The following ARL10 variants were observed in gnomAD, a reference collection of about 807,000 sequenced individuals.
ARL10 encodes the protein ARF like GTPase 10, also known as ADP-ribosylation factor-like protein 10.
A neutral mutation model predicts 26.1 loss-of-function variants in ARL10; 23 were observed. The observed-to-expected ratio is 0.88, with a 90% CI of 0.63 to 1.25. The LOEUF (loss-of-function observed/expected upper bound fraction) is 1.25, where lower values mean the gene tolerates loss of function less well. Ranked by LOEUF, ARL10 falls within the 50% of genes most tolerant of loss-of-function variation. The pLI, the probability that ARL10 is intolerant of heterozygous loss-of-function variation, is 0.00. For synonymous variants in ARL10, 138 were observed against 149.1 expected (o/e 0.93, Z 0.54); for missense variants, 300 against 323.6 (o/e 0.93, Z 0.56).
rs2113546375 is a variant in ARL10, at chr5:176,368,671, G to A, written c.386-136G>A. 9.6e-7 allele frequency: 1 copy of A among 1,043,902 alleles called. No homozygotes were observed. The highest frequency in any genetic ancestry group is 2.6e-5 in the East Asian group (1 of 37,736). The allele number at this position is 1,043,902 out of a possible 1,614,324, so 64.7% of individuals were successfully genotyped here. A position where few individuals can be genotyped will look rare whatever the true frequency, so the allele number is the denominator to read the frequency against. ...TAAGCTAGAAGCAGGGTGGGGTGGG[G>A]GCTGTGGGCAGTGAGCGGGGGCCCG... On this transcript the variant is annotated intron_variant, in intron 2 of 3. Coordinates refer to ENST00000310389, the MANE Select transcript of ARL10 (RefSeq NM_173664.6). This position sits in a 1 kb window ranked among gnomAD's most constrained non-coding sequence, Gnocchi z 4.1.
At chr5:176,389,331 G>C (rs1340439296), downstream of ARL10, 15 of 1,612,682 alleles carry the variant, frequency 9.3e-6, no homozygotes, top group Non-Finnish European at 1.2e-5. Flanking sequence ...CCCTCCTCAG[G>C]TTGCCTGGCC....
At chr5:176,383,667 A>G (rs1581401813), downstream of ARL10, among the ~76,000 whole-genome samples, 1 of 152,228 alleles carries the variant, frequency 6.6e-6, no homozygotes, top group East Asian at 1.9e-4. Flanking sequence ...CTAGGGCCCC[A>G]CCAGCCCCCA....
rs1755503185 is a variant in ARL10, at chr5:176,379,619, G to A, written c.*7724G>A. ...AATGAAGTCCTTTTTAAATAGAGCA[G>A]TTAATGCCATTTCTGTCTCTGCAGG... On this transcript the variant is annotated 3_prime_UTR_variant, in exon 4 of 4. Coordinates refer to ENST00000310389, the MANE Select transcript of ARL10 (RefSeq NM_173664.6). 1 of 152,214 alleles carries A rather than the reference G, an allele frequency of 6.6e-6. No individual in the cohort carries two copies. The highest frequency in any genetic ancestry group is 2.1e-4 in the South Asian group (1 of 4,832). 9.4% of individuals were successfully genotyped at this position (152,214 alleles called of 1,614,324 possible).
At chr5:176,389,590 C>G, downstream of ARL10, 1 of 1,316,702 alleles carries the variant, frequency 7.6e-7, no homozygotes, top group Non-Finnish European at 1.0e-6. Flanking sequence ...CCCTCCTCTC[C>G]TTTGAGAGGC....
At chr5:176,403,236 G>A (rs1259678693), downstream of ARL10, among the ~76,000 whole-genome samples, 1 of 151,948 alleles carries the variant, frequency 6.6e-6, no homozygotes, top group Non-Finnish European at 1.5e-5. Flanking sequence ...TTTTAGTAGA[G>A]ACGGGGTTTT....
At position 176,380,293 on chromosome 5, in the gene ARL10, A is replaced by G. The variant is rs1463220458; in HGVS notation, c.*8398A>G. On this transcript the variant is annotated 3_prime_UTR_variant, in exon 4 of 4. Transcript: ENST00000310389. ...TATAATCCTTTAGATGCCTCTGCATACCGATTTAAAATGCATCCCGTTGTT... is the reference window on the plus strand; with the variant it reads ...TATAATCCTTTAGATGCCTCTGCATGCCGATTTAAAATGCATCCCGTTGTT... 1.3e-5 allele frequency: 2 copies of G among 152,182 alleles called. No individual in the cohort carries two copies. Among genetic ancestry groups the G allele is most frequent in the Non-Finnish European group, 2.9e-5 (2 of 68,030 alleles). The allele number at this position is 152,182 out of a possible 1,614,324, so 9.4% of individuals were successfully genotyped here.
At chr5:176,385,349 G>A, downstream of ARL10, 2 of 1,375,174 alleles carry the variant, frequency 1.5e-6, no homozygotes, top group African/African-American at 1.4e-5. Context: ...AGAGAAGCGG[G>A]GAGACAGGGA....
At chr5:176,388,135 C>A in intron 1 of ARL10, 1 of 882,258 alleles carries the variant, frequency 1.1e-6, no homozygotes, top group Non-Finnish European at 1.8e-6. Flanking sequence ...CTCGGAAGGG[C>A]CTGAGGGAAG....
intron 1 of ARL10, among the ~76,000 whole-genome samples, chr5:176,400,206 A>C (rs1289032209): frequency 3.3e-5 from 5 of 149,594 alleles, no homozygotes; most frequent in Non-Finnish European, 5.9e-5. Flanking sequence ...TCAAAAAAAA[A>C]AAGAAAGAAA....
chr5:176,413,415 A>C, the ARL10 span, among the ~76,000 whole-genome samples: 1 of 152,220 alleles, frequency 6.6e-6, no homozygotes, highest in African/African-American at 2.4e-5. Flanking sequence ...AAACCTACCC[A>C]AGGCTGATGA....
chr5:176,371,941 T>C lies in ARL10; in HGVS notation c.*46T>C, dbSNP rs753615967. 1 of 1,590,816 alleles carries C rather than the reference T, an allele frequency of 6.3e-7. No individual in the cohort carries two copies. ...CACCTGCCTGTCAAGACCATAGTTG[T>C]ACTGCTGCTGCTTCATTGCCAGACT... On this transcript the variant is annotated 3_prime_UTR_variant, in exon 4 of 4. Coordinates refer to ENST00000310389, the MANE Select transcript of ARL10 (RefSeq NM_173664.6).
downstream of ARL10, chr5:176,389,289 G>A (rs376340619): frequency 1.3e-6 from 2 of 1,585,522 alleles, no homozygotes; most frequent in African/African-American, 2.7e-5. Flanking sequence ...TGACCTGCGG[G>A]GCCCGACCTG....
At chr5:176,410,190 T>A in the ARL10 span, 1 of 1,345,416 alleles carries the variant, frequency 7.4e-7, no homozygotes, top group Non-Finnish European at 1.1e-6. Context: ...CCTACAACAA[T>A]GAGGCTTTAG....
At chr5:176,411,947 T>C in the ARL10 span, among the ~76,000 whole-genome samples, 119 of 151,892 alleles carry the variant, frequency 7.8e-4, 2 homozygotes, top group Admixed American at 1.2e-3. Flanking sequence ...GAGGCTGAGG[T>C]GGGCAGATCA....
At chr5:176,411,259 C>T in the ARL10 span, among the ~76,000 whole-genome samples, 5 of 151,724 alleles carry the variant, frequency 3.3e-5, no homozygotes, top group Non-Finnish European at 5.9e-5. Context: ...TCCCATCCCT[C>T]TTTCAAACCA....
rs1755425069 is a variant in ARL10, at chr5:176,377,838, C to T, written c.*5943C>T. On this transcript the variant is annotated 3_prime_UTR_variant, in exon 4 of 4. Transcript: ENST00000310389. The surrounding 1 kb of genome is among the most constrained non-coding windows in gnomAD (Gnocchi z 4.5). The stretch of plus-strand genomic sequence containing the variant: ...AATGCAGTGGTGCAATCATGGCTCA[C>T]TACAACCTCCACCTCCAGAGATCAA... The T allele has an allele frequency of 6.6e-6, 1 of 152,258 alleles. No individual in the cohort carries two copies. The highest frequency in any genetic ancestry group is 2.1e-4 in the South Asian group (1 of 4,830). The allele number at this position is 152,258 out of a possible 1,614,324, so 9.4% of individuals were successfully genotyped here. A position where few individuals can be genotyped will look rare whatever the true frequency, so the allele number is the denominator to read the frequency against.
At chr5:176,396,392 T>G in intron 1 of ARL10, 1 of 1,228,632 alleles carries the variant, frequency 8.1e-7, no homozygotes. Context: ...CCACACTCAT[T>G]TATATCCCAC....
downstream of ARL10, among the ~76,000 whole-genome samples, chr5:176,390,346 G>GGCAGA (rs761894473): frequency 6.6e-6 from 1 of 151,914 alleles, no homozygotes; most frequent in Non-Finnish European, 1.5e-5. Context: ...TCGGGTCAGA[G>GGCAGA]GCAGAGGGTT....
chr5:176,367,698 C>T (rs539135204), intron 2 of ARL10, among the ~76,000 whole-genome samples: 18 of 152,374 alleles, frequency 1.2e-4, no homozygotes, highest in African/African-American at 3.8e-4. Context: ...ATGCTTTCCT[C>T]TGCCTCTTCC....
Sources: allele counts gnomAD v4.1 joint callset (sites outside exome capture counted in the v4.1 genomes callset), GRCh38; gene constraint gnomAD v4.1.1; non-coding constraint Gnocchi (gnomAD v3.1); transcripts MANE v1.5; gene names NCBI Gene and HGNC (gene_info 2026-07-23, HGNC 2026-07-21).